The following ADAMTS6 variants were observed in gnomAD, a reference collection of about 807,000 sequenced individuals.
ADAMTS6 encodes the protein ADAM metallopeptidase with thrombospondin type 1 motif 6, also known as A disintegrin and metalloproteinase with thrombospondin motifs 6.
A neutral mutation model predicts 144.3 loss-of-function variants in ADAMTS6; 23 were observed. The observed-to-expected ratio is 0.16, with a 90% CI of 0.11 to 0.23. ADAMTS6 has a LOEUF of 0.23. Among genes scored for constraint, ADAMTS6 ranks in the 10% least tolerant of loss-of-function variants. ADAMTS6 has a pLI of 1.00. For missense variants in ADAMTS6, 999 were observed against 1,379.6 expected (o/e 0.72, Z 4.37); for synonymous variants, 444 against 457.5 (o/e 0.97, Z 0.38).
At chr5:65,389,468 T>C (rs1472747850) in intron 7 of ADAMTS6, among the ~76,000 whole-genome samples, 1 of 152,212 alleles carries the variant, frequency 6.6e-6, no homozygotes, top group African/African-American at 2.4e-5. Context: ...TTTATAATTC[T>C]GTAAGAGCTA....
chr5:65,168,181 CAA>C (rs1753326531), intron 24 of ADAMTS6, among the ~76,000 whole-genome samples: 1 of 145,980 alleles, frequency 6.9e-6, no homozygotes, highest in Admixed American at 6.9e-5. Context: ...GCAACTTCAG[CAA>C]AGTCTCAGGA....
At chr5:65,253,393 A>G (rs1018632964) in intron 14 of ADAMTS6, among the ~76,000 whole-genome samples, 2 of 152,322 alleles carry the variant, frequency 1.3e-5, no homozygotes, top group African/African-American at 4.8e-5. Context: ...CTTCTAATTA[A>G]GTTTCAAGAA....
At position 65,334,018 on chromosome 5, in the gene ADAMTS6, AAAAAAAAAC is replaced by A. The variant is rs755018740; in HGVS notation, c.1117+15_1117+23del. ...TTATTAAAAAAAAAAAAAAAAAAAAAAAAAAAAACCAAAAAAAACTTACCCAGTGTTCCA... is the reference window on the plus strand; with the variant it reads ...TTATTAAAAAAAAAAAAAAAAAAAAACAAAAAAAACTTACCCAGTGTTCCA... On this transcript the variant is annotated intron_variant, in intron 8 of 24. Coordinates refer to ENST00000381055, the MANE Select transcript of ADAMTS6 (RefSeq NM_197941.4). 3.5e-5 allele frequency: 49 copies of A among 1,413,644 alleles called. No homozygotes were observed. The African/African-American group carries it at 4.4e-4, about 13-fold the overall frequency. 87.6% of individuals were successfully genotyped at this position (1,413,644 alleles called of 1,614,324 possible).
chr5:65,361,715 G>A (rs912072738), intron 7 of ADAMTS6, among the ~76,000 whole-genome samples: 1 of 151,866 alleles, frequency 6.6e-6, no homozygotes, highest in Non-Finnish European at 1.5e-5. Context: ...TTTTTACTAT[G>A]GTGATTTTTT....
At chr5:65,386,157 T>C (rs1248690299) in intron 7 of ADAMTS6, among the ~76,000 whole-genome samples, 2 of 152,222 alleles carry the variant, frequency 1.3e-5, no homozygotes, top group Non-Finnish European at 2.9e-5. Flanking sequence ...TATGTTTTTC[T>C]TCTCATTGAA....
In ADAMTS6 at chr5:65,372,146, C is replaced by T. The variant is rs377725294; in HGVS notation, c.1074-38061G>A. Among the ~76,000 whole-genome samples, 48 of 146,304 alleles carry T rather than the reference C, an allele frequency of 3.3e-4. No homozygotes were observed. The South Asian group carries it at 4.7e-3, about 14-fold the overall frequency. ...AGCGCTAAACATGGAAAGGAACAAC[C>T]GGTACCAGCCACTGCAAAATCATGC... On this transcript the variant is annotated intron_variant, in intron 7 of 24. Transcript: ENST00000381055.
chr5:65,374,493 T>G (rs866813575), intron 7 of ADAMTS6, among the ~76,000 whole-genome samples: 1,850 of 150,010 alleles, frequency 0.012, 23 homozygotes, highest in Non-Finnish European at 0.018. Flanking sequence ...AAATCATGAG[T>G]GAACTCCCAT....
At position 65,280,544 on chromosome 5, in the gene ADAMTS6, C is replaced by A. The variant is rs140185686; in HGVS notation, c.1513-7097G>T. On this transcript the variant is annotated intron_variant, in intron 11 of 24. Transcript: ENST00000381055. ...ATCTTTAAATATGAGAAAGCTTGCC[C>A]GATAGCTTCAAATCATTAATATACT... Among the ~76,000 whole-genome samples the A allele has an allele frequency of 2.7e-3, 406 of 152,042 alleles. 1 individual carries two copies. Among genetic ancestry groups the A allele is most frequent in the African/African-American group, 9.4e-3 (392 of 41,482 alleles).
intron 14 of ADAMTS6, among the ~76,000 whole-genome samples, chr5:65,253,877 G>A (rs1366609525): frequency 7.8e-6 from 1 of 128,218 alleles, no homozygotes; most frequent in African/African-American, 3.0e-5. Context: ...ATCCAGCCTG[G>A]GGTGCAGTGA....
At chr5:65,457,627 C>T (rs547483753) in intron 4 of ADAMTS6, among the ~76,000 whole-genome samples, 89 of 151,340 alleles carry the variant, frequency 5.9e-4, no homozygotes, top group South Asian at 1.5e-3. Flanking sequence ...AATATTTTTG[C>T]AAAAGGTGAT....
At chr5:65,178,588 C>T (rs561926236) in intron 22 of ADAMTS6, among the ~76,000 whole-genome samples, 26 of 152,314 alleles carry the variant, frequency 1.7e-4, no homozygotes, top group Non-Finnish European at 2.4e-4. Flanking sequence ...AACTGTGGGG[C>T]CCTGGCCAAG....
At chr5:65,159,304 C>T (rs1752611747) in intron 24 of ADAMTS6, among the ~76,000 whole-genome samples, 1 of 152,166 alleles carries the variant, frequency 6.6e-6, no homozygotes, top group Non-Finnish European at 1.5e-5. Context: ...TTCTGTCATC[C>T]TGAGCATATC....
intron 7 of ADAMTS6, among the ~76,000 whole-genome samples, chr5:65,422,607 C>T (rs758478879): frequency 4.0e-5 from 6 of 150,142 alleles, no homozygotes; most frequent in East Asian, 2.0e-4. Flanking sequence ...GGTGACAGAG[C>T]GAGACTACGT....
intron 10 of ADAMTS6, among the ~76,000 whole-genome samples, chr5:65,297,993 A>G (rs1238529198): frequency 2.6e-5 from 4 of 152,204 alleles, no homozygotes; most frequent in African/African-American, 9.6e-5. Context: ...TACATGCTAT[A>G]AAGCTTAAAT....
At chr5:65,190,832 G>A (rs990558185) in intron 21 of ADAMTS6, among the ~76,000 whole-genome samples, 8 of 151,896 alleles carry the variant, frequency 5.3e-5, no homozygotes, top group Admixed American at 5.3e-4. Flanking sequence ...ATTGCTCATC[G>A]TATCATCCCT....
chr5:65,262,259 T>C (rs1283374214), intron 13 of ADAMTS6, among the ~76,000 whole-genome samples: 1 of 152,074 alleles, frequency 6.6e-6, no homozygotes, highest in African/African-American at 2.4e-5. Flanking sequence ...CATAAAACAG[T>C]CATGGGGAGA....
chr5:65,470,456 C>A (rs1760345621), intron 3 of ADAMTS6, among the ~76,000 whole-genome samples: 1 of 152,098 alleles, frequency 6.6e-6, no homozygotes, highest in Non-Finnish European at 1.5e-5. Context: ...CCCTAAAATT[C>A]TTCAAAAATG....
At chr5:65,201,541 A>C (rs1156647293) in intron 20 of ADAMTS6, among the ~76,000 whole-genome samples, 1 of 152,182 alleles carries the variant, frequency 6.6e-6, no homozygotes, top group Non-Finnish European at 1.5e-5. Flanking sequence ...GGCAGGAGAA[A>C]GACTTTCTAA....
chr5:65,211,871 G>A (rs1211090046), intron 20 of ADAMTS6, among the ~76,000 whole-genome samples: 1 of 152,112 alleles, frequency 6.6e-6, no homozygotes, highest in African/African-American at 2.4e-5. Flanking sequence ...GCCTCATTAA[G>A]GTGCTCAATA....
Sources: gnomAD v4.1 joint callset for allele counts (sites outside exome capture counted in the v4.1 genomes callset) on GRCh38, gnomAD v4.1.1 for gene constraint, MANE v1.5 for transcripts, NCBI Gene and HGNC (gene_info 2026-07-23, HGNC 2026-07-21) for gene names.